SNX29: variants seen among roughly 807,000 people sequenced by gnomAD.
The protein encoded by SNX29 is sorting nexin 29.
In SNX29, 78 loss-of-function variants were observed where a neutral mutation model predicts 102.1. That is an observed-to-expected ratio of 0.76 (90% CI 0.64 to 0.92). The LOEUF is 0.92. Ranked by LOEUF, SNX29 falls within the 40% of genes least tolerant of loss-of-function variation. The probability of loss-of-function intolerance (pLI) is 0.00; values close to 1 mark genes in which losing one functional copy is unlikely to be tolerated. For missense variants in SNX29, 1,280 were observed against 1,061.7 expected (o/e 1.21, Z -2.86); for synonymous variants, 580 against 414.5 (o/e 1.40, Z -4.85).
intron 1 of SNX29, among the ~76,000 whole-genome samples, chr16:11,993,698 C>G (rs1045236953): frequency 6.6e-6 from 1 of 152,116 alleles, no homozygotes. Context: ...AATTTCTGCT[C>G]TTTCTCTCCA....
chr16:12,461,978 A>AAAATATATATATATAT (rs1555544501), intron 18 of SNX29, among the ~76,000 whole-genome samples: 1 of 27,352 alleles, frequency 3.7e-5, no homozygotes, highest in African/African-American at 1.4e-4. Context: ...AAAAAAAAAA[A>AAAATATATATATATAT]ATATATATAT....
At chr16:12,275,881 G>GTTTTTT (rs34099498) in intron 14 of SNX29, among the ~76,000 whole-genome samples, 19 of 104,130 alleles carry the variant, frequency 1.8e-4, no homozygotes, top group African/African-American at 6.4e-4. Flanking sequence ...CATTTTAATT[G>GTTTTTT]TTTTTTTTTT....
At position 12,215,273 on chromosome 16, in the gene SNX29, G is replaced by C. The variant is rs114116192; in HGVS notation, c.1678+15590G>C. 4.3e-3 allele frequency among the ~76,000 whole-genome samples: 657 copies of C among 151,278 alleles called. 5 individuals are homozygous for C. Among genetic ancestry groups the C allele is most frequent in the African/African-American group, 0.015 (627 of 41,202 alleles). On this transcript the variant is annotated intron_variant, in intron 14 of 20. Coordinates refer to ENST00000566228, the MANE Select transcript of SNX29 (RefSeq NM_032167.5). ...ACTTTGAGAGGCTGAGGTAGGAGGA[G>C]GGTTGCTTAAGGCCAGGAGTTTGAG...
chr16:12,571,754 C>T lies in SNX29; in HGVS notation c.*3125C>T. The stretch of plus-strand genomic sequence containing the variant: ...GCTAGAAACCTAGCCCAACCATCCA[C>T]TCCTGATCTGAGACAGAACCTTCTC... On this transcript the variant is annotated 3_prime_UTR_variant, in exon 21 of 21. Transcript: ENST00000566228. 7.9e-6 allele frequency: 8 copies of T among 1,016,940 alleles called. No individual in the cohort carries two copies. Among genetic ancestry groups the T allele is most frequent in the Non-Finnish European group, 9.6e-6 (8 of 836,192 alleles). 63.0% of individuals were successfully genotyped at this position (1,016,940 alleles called of 1,614,324 possible).
At chr16:12,237,304 C>T (rs1352257093) in intron 14 of SNX29, among the ~76,000 whole-genome samples, 1 of 152,212 alleles carries the variant, frequency 6.6e-6, no homozygotes, top group East Asian at 1.9e-4. Flanking sequence ...ACTGAAGGGC[C>T]TTTGGGGAGG....
chr16:12,570,848 T>C lies in SNX29; in HGVS notation c.*2219T>C, dbSNP rs138998254. The C allele has an allele frequency of 4.7e-4, 109 of 232,092 alleles. 1 individual carries two copies. The highest frequency in any genetic ancestry group is 2.1e-3 in the African/African-American group (97 of 45,404). 14.4% of individuals were successfully genotyped at this position (232,092 alleles called of 1,614,324 possible). A position where few individuals can be genotyped will look rare whatever the true frequency, so the allele number is the denominator to read the frequency against. ...AGTATGCTCTCAGCTGGTATTGAAC[T>C]GGTGGGAGAAACTGCCTCCTACTTT... On this transcript the variant is annotated 3_prime_UTR_variant, in exon 21 of 21. Transcript: ENST00000566228.
At chr16:12,565,292 C>G (rs749667670) in intron 20 of SNX29, among the ~76,000 whole-genome samples, 9 of 152,196 alleles carry the variant, frequency 5.9e-5, no homozygotes, top group Non-Finnish European at 1.0e-4. Context: ...CCAGCAGCCA[C>G]CAGCACTCTC....
chr16:12,382,713 G>C (rs939556159), intron 16 of SNX29, among the ~76,000 whole-genome samples: 1 of 152,196 alleles, frequency 6.6e-6, no homozygotes, highest in Non-Finnish European at 1.5e-5. Flanking sequence ...TGGCAGGGCT[G>C]TGTTCCCCCT....
chr16:12,520,740 G>A (rs62030404), intron 19 of SNX29, among the ~76,000 whole-genome samples: 19 of 151,728 alleles, frequency 1.3e-4, no homozygotes, highest in Non-Finnish European at 2.6e-4. Context: ...AAGCGGGAGC[G>A]AAGCTATGGG....
At chr16:12,287,490 C>T (rs988627830) in intron 15 of SNX29, among the ~76,000 whole-genome samples, 1 of 152,174 alleles carries the variant, frequency 6.6e-6, no homozygotes, top group African/African-American at 2.4e-5. Context: ...CTTGTTTCAT[C>T]CACTTACCCT....
chr16:12,197,502 C>G (rs1428018206), intron 13 of SNX29, among the ~76,000 whole-genome samples: 1 of 152,138 alleles, frequency 6.6e-6, no homozygotes, highest in Non-Finnish European at 1.5e-5. Flanking sequence ...ACCCAGGAGG[C>G]AGAGGTTGCA....
intron 14 of SNX29, among the ~76,000 whole-genome samples, chr16:12,276,687 A>G (rs1196997217): frequency 6.6e-6 from 1 of 152,032 alleles, no homozygotes; most frequent in Non-Finnish European, 1.5e-5. Flanking sequence ...CATGCTGTGG[A>G]TGTTTTTCTT....
chr16:12,507,389 A>G (rs2089425777), intron 19 of SNX29, among the ~76,000 whole-genome samples: 1 of 152,218 alleles, frequency 6.6e-6, no homozygotes, highest in African/African-American at 2.4e-5. Context: ...TGGACAGTCA[A>G]TGGCTAATGC....
rs146195214 is a variant in SNX29, at chr16:12,444,018, G to A, written c.2038-33701G>A. Among the ~76,000 whole-genome samples the A allele has an allele frequency of 2.6e-3, 385 of 150,792 alleles. 2 individuals are homozygous for A. The highest frequency in any genetic ancestry group is 8.8e-3 in the African/African-American group (358 of 40,856). ...AAACACTCAGTATAGCACCTAGCAC[G>A]TAGTAAGCACTCAGTATAGCACCTA... On this transcript the variant is annotated intron_variant, in intron 18 of 20. Coordinates refer to ENST00000566228, the MANE Select transcript of SNX29 (RefSeq NM_032167.5).
chr16:12,423,711 C>T (rs1298021761), intron 18 of SNX29, among the ~76,000 whole-genome samples: 2 of 152,146 alleles, frequency 1.3e-5, no homozygotes, highest in Admixed American at 1.3e-4. Context: ...GCTGGGGTTA[C>T]AGGCGCGCAC....
rs531098288 is a variant in SNX29, at chr16:12,207,966, G to A, written c.1678+8283G>A. On this transcript the variant is annotated intron_variant, in intron 14 of 20. Coordinates refer to ENST00000566228, the MANE Select transcript of SNX29 (RefSeq NM_032167.5). ...TTTATTAATCAAGTACACAACAGGT[G>A]CTTAATAAAAATTTGTTACTGGGGT... Among the ~76,000 whole-genome samples, 4 of 152,250 alleles carry A rather than the reference G, an allele frequency of 2.6e-5. 1 individual carries two copies. In the South Asian group the frequency reaches 6.2e-4, roughly 24 times the overall value.
chr16:12,238,102 A>C (rs902815570), intron 14 of SNX29, among the ~76,000 whole-genome samples: 26 of 152,096 alleles, frequency 1.7e-4, no homozygotes, highest in African/African-American at 6.3e-4. Flanking sequence ...ACCTCGGTGG[A>C]GGGGCAGTGG....
intron 13 of SNX29, among the ~76,000 whole-genome samples, chr16:12,198,175 C>T (rs890398286): frequency 6.6e-6 from 1 of 152,002 alleles, no homozygotes; most frequent in African/African-American, 2.4e-5. Context: ...TGGAGGAAGG[C>T]CTGAAAGGTA....
intron 16 of SNX29, among the ~76,000 whole-genome samples, chr16:12,388,319 C>CA (rs1320645852): frequency 6.6e-6 from 1 of 152,178 alleles, no homozygotes; most frequent in African/African-American, 2.4e-5. Context: ...ACAGGTTACT[C>CA]AAAGAATTAC....
Sources: gnomAD v4.1 joint callset for allele counts (sites outside exome capture counted in the v4.1 genomes callset) on GRCh38, gnomAD v4.1.1 for gene constraint, MANE v1.5 for transcripts, NCBI Gene and HGNC (gene_info 2026-07-23, HGNC 2026-07-21) for gene names.